Variants in ZFYVE9 observed in about 807,000 individuals in gnomAD.
The protein encoded by ZFYVE9 is zinc finger FYVE-type containing 9, also known as zinc finger FYVE domain-containing protein 9.
A neutral mutation model predicts 126.7 loss-of-function variants in ZFYVE9; 43 were observed. That is an observed-to-expected ratio of 0.34 (90% confidence interval 0.27 to 0.44). The LOEUF (loss-of-function observed/expected upper bound fraction) is 0.44. Among genes scored for constraint, ZFYVE9 ranks in the 20% least tolerant of loss-of-function variants. ZFYVE9 has a pLI of 1.00. For missense variants in ZFYVE9, 1,476 were observed against 1,697.0 expected (o/e 0.87, Z 2.29); for synonymous variants, 521 against 597.4 (o/e 0.87, Z 1.87).
intron 1 of ZFYVE9, among the ~76,000 whole-genome samples, chr1:52,176,408 TG>T (rs2124532248): frequency 6.6e-6 from 1 of 152,310 alleles, no homozygotes; most frequent in African/African-American, 2.4e-5. Flanking sequence ...CTGCCCCTAC[TG>T]GGGGGTGTCT....
chr1:52,301,730 T>C (rs1045412386), intron 12 of ZFYVE9, among the ~76,000 whole-genome samples: 9 of 152,254 alleles, frequency 5.9e-5, no homozygotes, highest in African/African-American at 2.2e-4. Context: ...TCTATGGGTT[T>C]ATAGTTTTCA....
chr1:52,171,029 T>G (rs1461249287), intron 1 of ZFYVE9, among the ~76,000 whole-genome samples: 1 of 152,064 alleles, frequency 6.6e-6, no homozygotes, highest in African/African-American at 2.4e-5. Flanking sequence ...ACTTTAAGTT[T>G]TAGGGTACAT....
chr1:52,217,180 A>G (rs903472680), intron 2 of ZFYVE9, among the ~76,000 whole-genome samples: 1 of 152,204 alleles, frequency 6.6e-6, no homozygotes, highest in Non-Finnish European at 1.5e-5. Flanking sequence ...TAACCCTAAC[A>G]CAGTTCCTGT....
intron 4 of ZFYVE9, among the ~76,000 whole-genome samples, chr1:52,242,569 C>A (rs1645345394): frequency 6.6e-6 from 1 of 151,484 alleles, no homozygotes; most frequent in Non-Finnish European, 1.5e-5. Flanking sequence ...CCAGTGCCTT[C>A]AATCTTTAGA....
intron 4 of ZFYVE9, among the ~76,000 whole-genome samples, chr1:52,262,050 A>G (rs1419987992): frequency 1.3e-5 from 2 of 152,226 alleles, no homozygotes; most frequent in East Asian, 1.9e-4. Context: ...ACAAAATACC[A>G]TAGACTAGAT....
chr1:52,169,149 C>G (rs766408658), intron 1 of ZFYVE9, among the ~76,000 whole-genome samples: 3 of 152,134 alleles, frequency 2.0e-5, no homozygotes, highest in Non-Finnish European at 4.4e-5. Flanking sequence ...GCCTATAATC[C>G]TAGCACTTTG....
chr1:52,293,792 A>G, intron 11 of ZFYVE9, 115 bp downstream of exon 11: 2 of 1,064,236 alleles, frequency 1.9e-6, no homozygotes, highest in South Asian at 1.6e-5. Context: ...AAATAGCTAA[A>G]CTAAATTTGG....
At chr1:52,220,481 T>G in intron 2 of ZFYVE9, among the ~76,000 whole-genome samples, 1 of 152,244 alleles carries the variant, frequency 6.6e-6, no homozygotes, top group East Asian at 1.9e-4. Context: ...CATTTCAGTT[T>G]AATCAACTTG....
chr1:52,197,574 G>A (rs1644871913), intron 1 of ZFYVE9, among the ~76,000 whole-genome samples: 1 of 151,356 alleles, frequency 6.6e-6, no homozygotes. Flanking sequence ...GGAGGAGTCA[G>A]GGATGAAGAT....
At chr1:52,153,369 A>G (rs1329972856) in intron 1 of ZFYVE9, among the ~76,000 whole-genome samples, 2 of 152,172 alleles carry the variant, frequency 1.3e-5, no homozygotes, top group Non-Finnish European at 2.9e-5. Flanking sequence ...TTCTAGAGCC[A>G]TCTCCACTAT....
At position 52,326,134 on chromosome 1, in the gene ZFYVE9, C is replaced by T. The variant is rs1166661341; in HGVS notation, c.3439-6634C>T. Reference sequence around the variant, plus strand: ...CATGGTTGGTGCTCTGGAAATGTTACGTACTTTGCACATTCTGTTGTTACA... The same window carrying T: ...CATGGTTGGTGCTCTGGAAATGTTATGTACTTTGCACATTCTGTTGTTACA... On this transcript the variant is annotated intron_variant, in intron 13 of 18. Coordinates refer to ENST00000287727, the MANE Select transcript of ZFYVE9 (RefSeq NM_004799.4). Among the ~76,000 whole-genome samples the T allele has an allele frequency of 3.9e-5, 6 of 152,332 alleles. No homozygotes were observed. In the East Asian group the frequency reaches 5.8e-4, roughly 15 times the overall value.
intron 1 of ZFYVE9, among the ~76,000 whole-genome samples, chr1:52,143,741 T>G (rs1644282589): frequency 6.6e-6 from 1 of 152,228 alleles, no homozygotes; most frequent in Non-Finnish European, 1.5e-5. Flanking sequence ...CATGTTGAAT[T>G]CATCAATTAA....
intron 10 of ZFYVE9, among the ~76,000 whole-genome samples, chr1:52,288,041 C>T (rs1645880059): frequency 1.3e-5 from 2 of 152,136 alleles, no homozygotes; most frequent in South Asian, 4.1e-4. Context: ...AAATACCTAA[C>T]ATTTTTTGAA....
chr1:52,244,169 G>A (rs1356112202), intron 4 of ZFYVE9, among the ~76,000 whole-genome samples: 1 of 152,098 alleles, frequency 6.6e-6, no homozygotes, highest in Admixed American at 6.6e-5. Flanking sequence ...GAATATGAAG[G>A]GAGGAAGTGG....
intron 13 of ZFYVE9, among the ~76,000 whole-genome samples, chr1:52,315,280 T>C (rs1157949436): frequency 6.6e-6 from 1 of 151,886 alleles, no homozygotes; most frequent in South Asian, 2.1e-4. Context: ...ATACAAAAAT[T>C]AGCTGGGTAT....
intron 15 of ZFYVE9, among the ~76,000 whole-genome samples, chr1:52,335,762 A>T (rs1646382632): frequency 6.6e-6 from 1 of 152,234 alleles, no homozygotes. Context: ...ATGACCATTT[A>T]TGGAAAATGT....
intron 1 of ZFYVE9, among the ~76,000 whole-genome samples, chr1:52,151,874 A>C (rs1177998882): frequency 5.9e-5 from 9 of 152,198 alleles, no homozygotes; most frequent in Admixed American, 5.9e-4. Context: ...TTAGTCAAAT[A>C]AGTTTGGGTT....
chr1:52,329,191 G>T (rs1481651762), intron 13 of ZFYVE9, among the ~76,000 whole-genome samples: 4 of 152,092 alleles, frequency 2.6e-5, no homozygotes, highest in Non-Finnish European at 5.9e-5. Flanking sequence ...TTGCAGCAAT[G>T]GAAAAGCCAA....
chr1:52,192,696 ACT>A (rs1432765940), intron 1 of ZFYVE9, among the ~76,000 whole-genome samples: 1 of 151,914 alleles, frequency 6.6e-6, no homozygotes, highest in African/African-American at 2.4e-5. Context: ...ATATGTAAAG[ACT>A]CTGACAGATC....
Sources: gnomAD v4.1 joint callset for allele counts (sites outside exome capture counted in the v4.1 genomes callset) on GRCh38, gnomAD v4.1.1 for gene constraint, MANE v1.5 for transcripts, NCBI Gene and HGNC (gene_info 2026-07-23, HGNC 2026-07-21) for gene names.